Variants in NAT1 observed in about 807,000 individuals in gnomAD.
NAT1 encodes N-acetyltransferase 1, also known as arylamine N-acetyltransferase 1.
For synonymous variants in NAT1, 144 were observed against 122.6 expected (o/e 1.17, Z -1.16); for missense variants, 400 against 339.2 (o/e 1.18, Z -1.41).
chr8:18,181,884 G>A (rs1260693983), intron 2 of NAT1, among the ~76,000 whole-genome samples: 1 of 152,148 alleles, frequency 6.6e-6, no homozygotes, highest in African/African-American at 2.4e-5. Flanking sequence ...ATTCTCCTCT[G>A]TCCCAGGGAA....
chr8:18,196,285 T>C (rs1275314706), intron 2 of NAT1, among the ~76,000 whole-genome samples: 5 of 151,876 alleles, frequency 3.3e-5, no homozygotes, highest in African/African-American at 1.2e-4. Flanking sequence ...AATTACGAAA[T>C]GTAATTAAAG....
chr8:18,198,271 A>T (rs1303936104), intron 2 of NAT1, among the ~76,000 whole-genome samples: 1 of 152,200 alleles, frequency 6.6e-6, no homozygotes, highest in African/African-American at 2.4e-5. Flanking sequence ...TTTTGATGCA[A>T]TCAGAGAAAA....
intron 2 of NAT1, among the ~76,000 whole-genome samples, chr8:18,190,763 T>A (rs1192221954): frequency 6.6e-6 from 1 of 151,954 alleles, no homozygotes; most frequent in Non-Finnish European, 1.5e-5. Context: ...AATAAGTAAA[T>A]ATATAGATAG....
intron 2 of NAT1, among the ~76,000 whole-genome samples, chr8:18,178,495 G>C (rs7817411): frequency 0.28 from 42,924 of 151,866 alleles, 6,644 homozygotes; most frequent in African/African-American, 0.39. Flanking sequence ...TTCTATTTTT[G>C]GGTCTTCACT....
intron 2 of NAT1, among the ~76,000 whole-genome samples, chr8:18,198,274 A>G (rs552924568): frequency 6.6e-5 from 10 of 152,232 alleles, no homozygotes; most frequent in Non-Finnish European, 5.9e-5. Context: ...TGATGCAATC[A>G]GAGAAAAACA....
chr8:18,205,192 G>C (rs1214856574), upstream of NAT1, among the ~76,000 whole-genome samples: 5 of 152,220 alleles, frequency 3.3e-5, no homozygotes, highest in African/African-American at 1.2e-4. Context: ...CAGCATGGTA[G>C]GTTGCACGCT....
At chr8:18,180,163 C>T (rs1802455525) in intron 2 of NAT1, among the ~76,000 whole-genome samples, 1 of 152,116 alleles carries the variant, frequency 6.6e-6, no homozygotes, top group Non-Finnish European at 1.5e-5. Flanking sequence ...TTGAGGACCA[C>T]CAGTTGCAAG....
rs941561436 is a variant in NAT1, at chr8:18,222,706, A to T, written c.659A>T (p.Lys220Ile). 1.1e-5 allele frequency: 18 copies of T among 1,613,896 alleles called. No homozygotes were observed. The highest frequency in any genetic ancestry group is 1.7e-5 in the Admixed American group (1 of 59,968). The change falls in exon 3 of 3, where the codon AAA becomes ATA. Residue 220 changes from lysine (K) to isoleucine (I), a missense_variant. Transcript: ENST00000307719. ...QTSPSSVFTSKSFCSLQTPDG... is the reference protein window; with the variant it reads ...QTSPSSVFTSISFCSLQTPDG... ...TCTCCATCATCTGTGTTTACTAGTA[A>T]ATCATTTTGTTCCTTGCAGACCCCA...
intron 2 of NAT1, among the ~76,000 whole-genome samples, chr8:18,195,523 C>T (rs534731996): frequency 6.6e-6 from 1 of 152,120 alleles, no homozygotes; most frequent in Non-Finnish European, 1.5e-5. Flanking sequence ...GGACCCATCC[C>T]CAGAGAACTG....
At chr8:18,174,064 G>A (rs1272911953) in intron 2 of NAT1, among the ~76,000 whole-genome samples, 1 of 152,148 alleles carries the variant, frequency 6.6e-6, no homozygotes, top group African/African-American at 2.4e-5. Flanking sequence ...TTCTGTGTGT[G>A]ATGAATGGCT....
At position 18,184,592 on chromosome 8, in the gene NAT1, A is replaced by G. The variant is rs149443436; in HGVS notation, n.92+13853A>G. Among the ~76,000 whole-genome samples, 320 of 152,348 alleles carry G rather than the reference A, an allele frequency of 2.1e-3. 1 individual carries two copies. Among genetic ancestry groups the G allele is most frequent in the Middle Eastern group, 0.014 (4 of 294 alleles). On this transcript the variant is annotated intron_variant and non_coding_transcript_variant, in intron 2 of 4. Coordinates refer to the NAT1 transcript ENST00000517441. ...CAATACATAATAATCAAGAATAACA[A>G]TAATTAACAGCATTTTAAGTAATGC...
chr8:18,195,277 G>C (rs1803184793), intron 2 of NAT1, among the ~76,000 whole-genome samples: 1 of 152,192 alleles, frequency 6.6e-6, no homozygotes, highest in African/African-American at 2.4e-5. Flanking sequence ...TGGTTAGTGA[G>C]AGTGAAGGAG....
chr8:18,219,592 A>G lies in NAT1; in HGVS notation c.-7+103A>G. On this transcript the variant is annotated intron_variant, in intron 2 of 2. Transcript: ENST00000307719. ...TGATCAAGATGAAAGGGAGGGATGT[A>G]TCACTGCACAGAGATTCTACAAGTG... 4.8e-6 allele frequency: 3 copies of G among 629,708 alleles called. 1 individual carries two copies. In the South Asian group the frequency reaches 6.2e-5, roughly 13 times the overall value. 39.0% of individuals were successfully genotyped at this position (629,708 alleles called of 1,614,324 possible).
At chr8:18,190,595 G>A (rs1034670650) in intron 2 of NAT1, among the ~76,000 whole-genome samples, 2 of 152,178 alleles carry the variant, frequency 1.3e-5, no homozygotes, top group African/African-American at 4.8e-5. Context: ...GGACCTAGAA[G>A]CCATGAGCAG....
At chr8:18,185,384 T>C (rs1802692709) in intron 2 of NAT1, among the ~76,000 whole-genome samples, 1 of 152,192 alleles carries the variant, frequency 6.6e-6, no homozygotes, top group East Asian at 1.9e-4. Context: ...TTATGCATTA[T>C]ATTTTTTCAG....
chr8:18,191,426 T>A (rs575433588), intron 2 of NAT1, among the ~76,000 whole-genome samples: 2 of 152,304 alleles, frequency 1.3e-5, no homozygotes, highest in South Asian at 4.1e-4. Flanking sequence ...AAAATTCCAT[T>A]CTTAACATTA....
At chr8:18,209,456 T>C (rs1287385323), upstream of NAT1, among the ~76,000 whole-genome samples, 2 of 152,208 alleles carry the variant, frequency 1.3e-5, no homozygotes, top group Non-Finnish European at 2.9e-5. Flanking sequence ...ACATGTATAT[T>C]GGGTCAATAA....
At chr8:18,215,634 GTTTA>G (rs1804579752) in intron 1 of NAT1, among the ~76,000 whole-genome samples, 1 of 150,560 alleles carries the variant, frequency 6.6e-6, no homozygotes, top group African/African-American at 2.4e-5. Flanking sequence ...TTTTTTTTCA[GTTTA>G]TTTTTCTTCT....
At chr8:18,209,577 A>G (rs1189739923), upstream of NAT1, among the ~76,000 whole-genome samples, 1 of 152,224 alleles carries the variant, frequency 6.6e-6, no homozygotes, top group African/African-American at 2.4e-5. Flanking sequence ...GCCATATGAC[A>G]TATATCACCC....
Sources: gnomAD v4.1 joint callset for allele counts (sites outside exome capture counted in the v4.1 genomes callset) on GRCh38, gnomAD v4.1.1 for gene constraint, MANE v1.5 for transcripts, NCBI Gene and HGNC (gene_info 2026-07-23, HGNC 2026-07-21) for gene names.